Variants in CIMAP3 observed in about 807,000 individuals in gnomAD.
CIMAP3 encodes the protein ciliary microtubule associated protein 3, also known as ciliary microtubule-associated protein 3.
the CIMAP3 span, chr1:111,346,642 A>G: frequency 1.2e-6 from 2 of 1,614,176 alleles, no homozygotes; most frequent in Non-Finnish European, 1.7e-6. Flanking sequence ...TGCTAGCCCT[A>G]GCAGCTCGCG....
chr1:111,347,265 G>A, the CIMAP3 span, among the ~76,000 whole-genome samples: 11 of 152,166 alleles, frequency 7.2e-5, no homozygotes, highest in African/African-American at 2.7e-4. Flanking sequence ...TTAAACGCAA[G>A]CCCTAGCTTC....
chr1:111,335,740 C>A, the CIMAP3 span, among the ~76,000 whole-genome samples: 1 of 152,248 alleles, frequency 6.6e-6, no homozygotes, highest in Non-Finnish European at 1.5e-5. Context: ...AGGAGGCCTG[C>A]CTGCCTCTGT....
chr1:111,334,958 T>A, the CIMAP3 span, among the ~76,000 whole-genome samples: 6 of 151,674 alleles, frequency 4.0e-5, no homozygotes. Context: ...CAAAACCCTG[T>A]CTCTACCAAA....
At chr1:111,343,829 T>C in the CIMAP3 span, among the ~76,000 whole-genome samples, 1 of 152,254 alleles carries the variant, frequency 6.6e-6, no homozygotes, top group Admixed American at 6.5e-5. Flanking sequence ...AAATTTCTCT[T>C]TCCTTGAGTA....
chr1:111,342,459 T>A, the CIMAP3 span, among the ~76,000 whole-genome samples: 3 of 152,192 alleles, frequency 2.0e-5, no homozygotes, highest in Non-Finnish European at 4.4e-5. Flanking sequence ...CTTGTTGAGA[T>A]ATCCCTTGTT....
At chr1:111,326,644 T>G in the CIMAP3 span, among the ~76,000 whole-genome samples, 4 of 152,150 alleles carry the variant, frequency 2.6e-5, no homozygotes, top group Admixed American at 6.5e-5. Context: ...GTAGTTCTAT[T>G]TTTAGATTTT....
the CIMAP3 span, among the ~76,000 whole-genome samples, chr1:111,343,074 T>TAATTCA: frequency 6.6e-6 from 1 of 152,232 alleles, no homozygotes; most frequent in Non-Finnish European, 1.5e-5. Context: ...TTTTCTAATC[T>TAATTCA]GCTGTTAAAC....
At chr1:111,324,995 GT>G in the CIMAP3 span, 1 of 647,900 alleles carries the variant, frequency 1.5e-6, no homozygotes, top group Non-Finnish European at 1.9e-6. Context: ...GATTACACAA[GT>G]TCTCTGATTC....
chr1:111,341,957 T>C, the CIMAP3 span, among the ~76,000 whole-genome samples: 1 of 151,962 alleles, frequency 6.6e-6, no homozygotes, highest in Admixed American at 6.6e-5. Context: ...AATCTAAGAA[T>C]TATTGGTGTT....
At chr1:111,336,889 T>A in the CIMAP3 span, among the ~76,000 whole-genome samples, 1 of 151,712 alleles carries the variant, frequency 6.6e-6, no homozygotes, top group South Asian at 2.1e-4. Flanking sequence ...CCAAGACACA[T>A]AATTGTCAGA....
the CIMAP3 span, among the ~76,000 whole-genome samples, chr1:111,336,138 G>T: frequency 2.6e-5 from 4 of 152,202 alleles, no homozygotes; most frequent in Admixed American, 2.6e-4. Context: ...GCAGCTGAGG[G>T]TCCTGTCTGT....
the CIMAP3 span, chr1:111,347,118 T>G: frequency 5.3e-6 from 8 of 1,497,244 alleles, no homozygotes; most frequent in East Asian, 9.4e-5. Flanking sequence ...AGTTTCCAAG[T>G]TTCGTAAAAG....
the CIMAP3 span, among the ~76,000 whole-genome samples, chr1:111,350,982 A>G: frequency 3.9e-5 from 6 of 152,218 alleles, no homozygotes; most frequent in African/African-American, 1.4e-4. Flanking sequence ...CAACTCAAGA[A>G]TTAAACATAT....
chr1:111,338,852 T>G, the CIMAP3 span, among the ~76,000 whole-genome samples: 2 of 152,308 alleles, frequency 1.3e-5, no homozygotes, highest in Admixed American at 1.3e-4. Context: ...TAACTCATTT[T>G]ATGAGGCCAG....
At chr1:111,347,911 A>AT in the CIMAP3 span, 4 of 621,332 alleles carry the variant, frequency 6.4e-6, no homozygotes, top group African/African-American at 5.5e-5. Context: ...AGCAAAAGCT[A>AT]TTAAGAAGCC....
the CIMAP3 span, among the ~76,000 whole-genome samples, chr1:111,329,535 ATATATATATATATATATATATATAAT>A: frequency 6.3e-5 from 6 of 95,038 alleles, no homozygotes; most frequent in African/African-American, 1.3e-4. Flanking sequence ...ATATATATAT[ATATATATATATATATATATATATAAT>A]TTTTTTTTTT....
At chr1:111,348,719 G>A in the CIMAP3 span, 14 of 1,411,188 alleles carry the variant, frequency 9.9e-6, no homozygotes, top group Admixed American at 1.8e-4. Flanking sequence ...AATAAAAGAA[G>A]CACATAAAGA....
the CIMAP3 span, among the ~76,000 whole-genome samples, chr1:111,339,178 T>A: frequency 2.6e-5 from 4 of 151,288 alleles, no homozygotes; most frequent in African/African-American, 9.8e-5. Flanking sequence ...AAACTCTCAA[T>A]AAATTAGGTA....
chr1:111,347,868 T>C, the CIMAP3 span: 2 of 850,530 alleles, frequency 2.4e-6, no homozygotes, highest in Admixed American at 2.2e-5. Context: ...TCTAAAAGAA[T>C]ATGCCCTGAA....
Sources: allele counts gnomAD v4.1 joint callset (sites outside exome capture counted in the v4.1 genomes callset), GRCh38; gene constraint gnomAD v4.1.1; transcripts MANE v1.5; gene names NCBI Gene and HGNC (gene_info 2026-07-23, HGNC 2026-07-21).